Variants in NRG1 observed in about 807,000 individuals in gnomAD.
NRG1 encodes neuregulin 1, also known as pro-neuregulin-1, membrane-bound isoform.
A neutral mutation model predicts 63.8 loss-of-function variants in NRG1; 18 were observed. The ratio of observed to expected loss-of-function variants is 0.28; its 90% CI spans 0.19 to 0.42. The LOEUF is 0.42. NRG1 is among the 10% of genes least tolerant of loss of function. The probability of loss-of-function intolerance (pLI) is 1.00; values close to 1 mark genes in which losing one functional copy is unlikely to be tolerated. For missense variants in NRG1, 762 were observed against 814.7 expected, an observed-to-expected ratio of 0.94 and a Z score of 0.79; for synonymous variants, 302 against 301.3, an observed-to-expected ratio of 1.00 and a Z score of -0.02.
upstream of NRG1, among the ~76,000 whole-genome samples, chr8:32,547,668 T>C (rs1172612767): frequency 6.6e-6 from 1 of 151,934 alleles, no homozygotes; most frequent in Non-Finnish European, 1.5e-5. Context: ...ACCTAGCATC[T>C]TTAAGGTTCG....
rs542788681 is a variant in NRG1, at chr8:31,861,763, G to A, written c.37+222332G>A. Reference sequence around the variant, plus strand: ...TTTTTCCAAATCATCTTTGTAAGAAGTCCCAGACCCACAATGAACTATTGA... The same window carrying A: ...TTTTTCCAAATCATCTTTGTAAGAAATCCCAGACCCACAATGAACTATTGA... On this transcript the variant is annotated intron_variant, in intron 1 of 10. Transcript: ENST00000519301. Among the ~76,000 whole-genome samples, 5 of 152,282 alleles carry A rather than the reference G, an allele frequency of 3.3e-5. No homozygotes were observed. The South Asian group carries it at 1.0e-3, about 32-fold the overall frequency.
At chr8:31,688,365 G>C (rs945130387) in intron 1 of NRG1, among the ~76,000 whole-genome samples, 1 of 152,122 alleles carries the variant, frequency 6.6e-6, no homozygotes. Context: ...CATGCGAAAC[G>C]CAGTGAGAAG....
chr8:32,594,415 T>C (rs1843013700), intron 1 of NRG1, among the ~76,000 whole-genome samples: 1 of 152,174 alleles, frequency 6.6e-6, no homozygotes, highest in Admixed American at 6.5e-5. Context: ...CATTTGTTGA[T>C]TATTAAAGTG....
chr8:31,774,666 T>C (rs1276134168), intron 1 of NRG1, among the ~76,000 whole-genome samples: 2 of 152,206 alleles, frequency 1.3e-5, no homozygotes, highest in East Asian at 1.9e-4. Flanking sequence ...ATTGATTATT[T>C]CTGTTGCTTT....
At chr8:32,433,639 T>C (rs1801474209) in intron 1 of NRG1, among the ~76,000 whole-genome samples, 1 of 152,070 alleles carries the variant, frequency 6.6e-6, no homozygotes, top group African/African-American at 2.4e-5. Context: ...GTAGGAAATG[T>C]TCTGTCTTGT....
intron 1 of NRG1, among the ~76,000 whole-genome samples, chr8:32,071,733 A>T (rs1825784717): frequency 6.6e-6 from 1 of 152,190 alleles, no homozygotes; most frequent in Admixed American, 6.5e-5. Flanking sequence ...GGTGTTTGAG[A>T]GAAGCATAAA....
intron 1 of NRG1, among the ~76,000 whole-genome samples, chr8:31,964,882 C>T (rs150569636): frequency 6.6e-6 from 1 of 152,284 alleles, no homozygotes; most frequent in Non-Finnish European, 1.5e-5. Context: ...TCTACTCAAG[C>T]AATCTGACTC....
chr8:31,745,380 C>G (rs145171580), intron 1 of NRG1, among the ~76,000 whole-genome samples: 1 of 152,002 alleles, frequency 6.6e-6, no homozygotes, highest in Non-Finnish European at 1.5e-5. Context: ...GTGGCGGCCA[C>G]TGTAAAACTC....
intron 1 of NRG1, among the ~76,000 whole-genome samples, chr8:31,770,452 C>A (rs1818496382): frequency 6.6e-6 from 1 of 151,972 alleles, no homozygotes; most frequent in Non-Finnish European, 1.5e-5. Flanking sequence ...TGTTTTGTGG[C>A]TGCATAGTAT....
intron 1 of NRG1, among the ~76,000 whole-genome samples, chr8:31,845,143 A>AAATAAAT (rs1826569707): frequency 6.6e-6 from 1 of 151,288 alleles, no homozygotes; most frequent in African/African-American, 2.4e-5. Flanking sequence ...ATAAATAAAT[A>AAATAAAT]AAACAGCAAA....
At chr8:32,270,529 C>T (rs758814056) in intron 1 of NRG1, among the ~76,000 whole-genome samples, 10 of 152,170 alleles carry the variant, frequency 6.6e-5, no homozygotes, top group Non-Finnish European at 1.5e-4. Flanking sequence ...ACTTGTGAGG[C>T]AAAAGAAAGA....
chr8:32,292,634 A>T (rs1424590005), intron 1 of NRG1, among the ~76,000 whole-genome samples: 1 of 152,222 alleles, frequency 6.6e-6, no homozygotes, highest in Non-Finnish European at 1.5e-5. Flanking sequence ...AGCAGCAACC[A>T]GAAAAATATT....
At chr8:32,618,716 A>C (rs113762189) in intron 5 of NRG1, among the ~76,000 whole-genome samples, 7 of 152,344 alleles carry the variant, frequency 4.6e-5, no homozygotes, top group African/African-American at 1.4e-4. Flanking sequence ...TATTAGGAGA[A>C]TATAAACAAT....
At chr8:32,030,447 C>T (rs1164428053) in intron 1 of NRG1, 1 of 152,196 alleles carries the variant, frequency 6.6e-6, no homozygotes, top group African/African-American at 2.4e-5. Flanking sequence ...CCGATGCTGT[C>T]TTTGCTTCTA....
chr8:31,747,275 G>C (rs553808182), intron 1 of NRG1, among the ~76,000 whole-genome samples: 1 of 151,968 alleles, frequency 6.6e-6, no homozygotes, highest in South Asian at 2.1e-4. Context: ...AGCATCCCAT[G>C]TACCCCGTGA....
chr8:31,938,278 C>T (rs994691923), intron 1 of NRG1, among the ~76,000 whole-genome samples: 5 of 152,162 alleles, frequency 3.3e-5, no homozygotes, highest in African/African-American at 1.2e-4. Context: ...CCAGTAGCTC[C>T]ACTGGGTGGC....
chr8:32,367,149 T>C (rs1409203601), intron 1 of NRG1, among the ~76,000 whole-genome samples: 8 of 152,200 alleles, frequency 5.3e-5, no homozygotes, highest in Admixed American at 2.6e-4. Context: ...TTTGGGTAAA[T>C]ATGTCATGGT....
chr8:31,786,300 A>G (rs758648339), intron 1 of NRG1, among the ~76,000 whole-genome samples: 2 of 152,226 alleles, frequency 1.3e-5, no homozygotes, highest in Non-Finnish European at 2.9e-5. Context: ...TAATGTAGGA[A>G]AAACTAAACC....
At chr8:31,801,687 A>C (rs1209993946) in intron 1 of NRG1, among the ~76,000 whole-genome samples, 3 of 152,220 alleles carry the variant, frequency 2.0e-5, no homozygotes, top group African/African-American at 7.2e-5. Context: ...TCAACATGAA[A>C]TTGTAAGAAT....
Sources: gnomAD v4.1 joint callset for allele counts (sites outside exome capture counted in the v4.1 genomes callset) on GRCh38, gnomAD v4.1.1 for gene constraint, MANE v1.5 for transcripts, NCBI Gene and HGNC (gene_info 2026-07-23, HGNC 2026-07-21) for gene names.